The following CEACAM20 variants were observed in gnomAD, a reference collection of about 807,000 sequenced individuals.
CEACAM20 encodes cell adhesion molecule CEACAM20.
In CEACAM20, 50 loss-of-function variants were observed where a neutral mutation model predicts 61.2. The observed-to-expected ratio is 0.82, with a 90% CI of 0.65 to 1.03. The LOEUF (loss-of-function observed/expected upper bound fraction) is 1.03, where lower values mean the gene tolerates loss of function less well. Ranked by LOEUF, CEACAM20 falls within the 50% of genes least tolerant of loss-of-function variation. The pLI is 0.00. For missense variants in CEACAM20, 683 were observed against 736.4 expected (o/e 0.93, Z 0.84); for synonymous variants, 282 against 287.7 (o/e 0.98, Z 0.20).
chr19:44,524,470 A>C (rs1971468090), intron 2 of CEACAM20, among the ~76,000 whole-genome samples: 1 of 152,148 alleles, frequency 6.6e-6, no homozygotes, highest in Non-Finnish European at 1.5e-5. Flanking sequence ...GCCCCATTGA[A>C]AGTGATTGTG....
At position 44,524,159 on chromosome 19, in the gene CEACAM20, T is replaced by G. The variant is rs774341481; in HGVS notation, c.299A>C (p.His100Pro). 1.2e-6 allele frequency: 2 copies of G among 1,613,732 alleles called. No homozygotes were observed. The highest frequency in any genetic ancestry group is 1.3e-5 in the African/African-American group (1 of 74,922). ...CTTKDVNITI[H>P]WVSNNLSIVF... is the part of the protein sequence containing the mutation. ...AATGGAGAGGTTGTTGGAAACCCAGTGGATGGTAATGTTGACGTCCTTAGT... is the reference window on the plus strand; with the variant it reads ...AATGGAGAGGTTGTTGGAAACCCAGGGGATGGTAATGTTGACGTCCTTAGT... The change falls in exon 3 of 12, where the codon CAC becomes CCC. Residue 100 changes from histidine (H) to proline (P), a missense_variant. His to Pro is a moderately conservative substitution (Grantham distance 77, BLOSUM62 -2). Coordinates refer to ENST00000614924, the MANE Select transcript of CEACAM20 (RefSeq NM_001102597.3).
At chr19:44,510,581 AAAG>A (rs1568446284) in intron 11 of CEACAM20, among the ~76,000 whole-genome samples, 1 of 50,070 alleles carries the variant, frequency 2.0e-5, no homozygotes, top group Non-Finnish European at 3.6e-5. Context: ...AGAAAGAAAG[AAAG>A]AAAGAAAGAA....
Position 44,520,346 on chromosome 19 carries a change from A to G in CEACAM20, c.1030+128T>C, listed in dbSNP as rs573675880. ...TGAGGGCAGGCACTTGGCCCTGTCC[A>G]GTGCCCAGATTCATGCCTGACACAG... On this transcript the variant is annotated intron_variant, in intron 5 of 11. Transcript: ENST00000614924. 21 of 1,269,750 alleles carry G rather than the reference A, an allele frequency of 1.7e-5. No homozygotes were observed. The African/African-American group carries it at 3.0e-4, about 18-fold the overall frequency. 78.7% of individuals were successfully genotyped at this position (1,269,750 alleles called of 1,614,324 possible).
Position 44,529,457 on chromosome 19 carries a change from C to A in CEACAM20, c.52+1G>T. The A allele has an allele frequency of 1.2e-6, 2 of 1,613,420 alleles. No homozygotes were observed. The highest frequency in any genetic ancestry group is 1.7e-6 in the Non-Finnish European group (2 of 1,179,740). ...GCATCTGAAGGAAGCAGGGCACTCA[C>A]CTGAAAGCAGGATTCCCATCCAGTG... On this transcript the variant is annotated splice_donor_variant, in intron 1 of 11. Transcript: ENST00000614924. LOFTEE classifies it high-confidence loss of function.
At chr19:44,523,739 C>T (rs1445357234) in intron 3 of CEACAM20, among the ~76,000 whole-genome samples, 1 of 152,154 alleles carries the variant, frequency 6.6e-6, no homozygotes, top group Non-Finnish European at 1.5e-5. Flanking sequence ...TTAGGCATGT[C>T]TTTCAATCTT....
intron 6 of CEACAM20, among the ~76,000 whole-genome samples, chr19:44,513,560 C>T (rs1321022146): frequency 6.6e-6 from 1 of 151,664 alleles, no homozygotes; most frequent in South Asian, 2.1e-4. Context: ...CCTCAGCCTC[C>T]CCTAGTAGCT....
intron 1 of CEACAM20, among the ~76,000 whole-genome samples, chr19:44,528,840 C>T (rs973067934): frequency 1.3e-5 from 2 of 151,420 alleles, no homozygotes; most frequent in Non-Finnish European, 2.9e-5. Flanking sequence ...TACACACACA[C>T]ACACACACCA....
chr19:44,522,399 G>A (rs1036206991), intron 4 of CEACAM20, among the ~76,000 whole-genome samples: 5 of 152,026 alleles, frequency 3.3e-5, no homozygotes, highest in African/African-American at 1.2e-4. Flanking sequence ...CACTGCACCC[G>A]GCCTCTTAAG....
intron 10 of CEACAM20, 144 bp downstream of exon 10, chr19:44,511,493 T>C (rs1970998404): frequency 2.4e-6 from 2 of 849,002 alleles, no homozygotes; most frequent in Non-Finnish European, 3.8e-6. Flanking sequence ...TGTGAGGCCT[T>C]AGGCTACTCT....
chr19:44,527,620 G>T (rs1971566977), intron 1 of CEACAM20, among the ~76,000 whole-genome samples: 2 of 151,950 alleles, frequency 1.3e-5, no homozygotes, highest in Admixed American at 1.3e-4. Flanking sequence ...CTTCTCACAG[G>T]GTCCTGCCGT....
intron 11 of CEACAM20, among the ~76,000 whole-genome samples, chr19:44,510,553 A>G (rs980274261): frequency 3.0e-5 from 1 of 33,420 alleles, no homozygotes; most frequent in Admixed American, 4.4e-4. Flanking sequence ...GGAAGGAAAG[A>G]AAGAAAGAAA....
At chr19:44,506,822 C>A (rs564006537) in intron 11 of CEACAM20, among the ~76,000 whole-genome samples, 1 of 152,308 alleles carries the variant, frequency 6.6e-6, no homozygotes, top group Non-Finnish European at 1.5e-5. Context: ...TACAGCCTTG[C>A]AGAAGAGCTA....
chr19:44,523,867 G>T, intron 3 of CEACAM20, 119 bp downstream of exon 3: 1 of 1,112,254 alleles, frequency 9.0e-7, no homozygotes, highest in Non-Finnish European at 1.3e-6. Context: ...ACAGTTATAT[G>T]TCTGAAGTTC....
chr19:44,522,591 C>A, intron 4 of CEACAM20, 43 bp downstream of exon 4: 2 of 1,590,038 alleles, frequency 1.3e-6, no homozygotes. Flanking sequence ...CAGCATCTGA[C>A]GCTCAGAAGA....
chr19:44,514,570 T>G (rs1971099964), intron 6 of CEACAM20, among the ~76,000 whole-genome samples: 1 of 151,666 alleles, frequency 6.6e-6, no homozygotes, highest in African/African-American at 2.4e-5. Context: ...TGCTTCACCC[T>G]CCCAAGTAGC....
chr19:44,525,695 G>C (rs533886870), intron 1 of CEACAM20, among the ~76,000 whole-genome samples: 1 of 152,154 alleles, frequency 6.6e-6, no homozygotes, highest in East Asian at 1.9e-4. Context: ...TGCCCGCCTC[G>C]GCCTCCCAAA....
chr19:44,521,280 A>G (rs1300092440), intron 4 of CEACAM20, among the ~76,000 whole-genome samples: 7 of 151,512 alleles, frequency 4.6e-5, no homozygotes, highest in Non-Finnish European at 1.0e-4. Flanking sequence ...TGTATGGTAT[A>G]TGGTGTGTTT....
chr19:44,513,504 C>A (rs1051955834), intron 6 of CEACAM20, among the ~76,000 whole-genome samples: 7 of 137,020 alleles, frequency 5.1e-5, no homozygotes, highest in Non-Finnish European at 1.1e-4. Context: ...AGTGGAGTGG[C>A]GTGACCTCAG....
intron 11 of CEACAM20, among the ~76,000 whole-genome samples, chr19:44,510,605 AAAGAAAAAGGAAGGAAGG>A (rs1207805986): frequency 0.1 from 7,582 of 73,620 alleles, 397 homozygotes; most frequent in Middle Eastern, 0.16. Context: ...AGAAAGAAAG[AAAGAAAAAGGAAGGAAGG>A]AAGAAAGAAA....
Sources: allele counts gnomAD v4.1 joint callset (sites outside exome capture counted in the v4.1 genomes callset), GRCh38; gene constraint gnomAD v4.1.1; transcripts MANE v1.5; gene names NCBI Gene and HGNC (gene_info 2026-07-23, HGNC 2026-07-21).